BPNT2: variants seen among roughly 807,000 people sequenced by gnomAD.
BPNT2 encodes 3'(2'), 5'-bisphosphate nucleotidase 2.
In BPNT2, 11 loss-of-function variants were observed where a neutral mutation model predicts 29.3. The observed-to-expected ratio is 0.38, with a 90% CI of 0.24 to 0.62. The LOEUF is 0.62. Ranked by LOEUF, BPNT2 falls within the 20% of genes least tolerant of loss-of-function variation. The pLI, the probability that BPNT2 is intolerant of heterozygous loss-of-function variation, is 0.62. For synonymous variants in BPNT2, 195 were observed against 187.7 expected (o/e 1.04, Z -0.32); for missense variants, 459 against 473.4 (o/e 0.97, Z 0.28).
chr8:56,968,305 A>C (rs868407187), intron 3 of BPNT2, among the ~76,000 whole-genome samples: 73 of 152,134 alleles, frequency 4.8e-4, no homozygotes, highest in African/African-American at 1.6e-3. Flanking sequence ...AGACTTCTCC[A>C]AAAGTATAGC....
Position 56,959,911 on chromosome 8 carries a change from G to C in BPNT2, c.*3882C>G, listed in dbSNP as rs1805802055. 6.6e-6 allele frequency: 1 copy of C among 152,020 alleles called. No homozygotes were observed. Among genetic ancestry groups the C allele is most frequent in the South Asian group, 2.1e-4 (1 of 4,824 alleles). The allele number at this position is 152,020 out of a possible 1,614,324, so 9.4% of individuals were successfully genotyped here. On this transcript the variant is annotated 3_prime_UTR_variant, in exon 5 of 5. Coordinates refer to ENST00000262644, the MANE Select transcript of BPNT2 (RefSeq NM_017813.5). ...TTAACATACAATGCCCTATTGTTAA[G>C]GCACAACTTTTTTTAGATTAAAAAT...
intron 1 of BPNT2, among the ~76,000 whole-genome samples, chr8:56,986,088 C>G (rs760475826): frequency 7.9e-5 from 12 of 152,198 alleles, no homozygotes; most frequent in Non-Finnish European, 1.6e-4. Context: ...GTCGTTACTA[C>G]AGCATTTCCT....
intron 3 of BPNT2, 81 bp downstream of exon 3, chr8:56,977,969 A>G (rs1806172274): frequency 1.1e-6 from 1 of 926,674 alleles, no homozygotes; most frequent in South Asian, 1.3e-5. Context: ...GAGTGGATAC[A>G]AATTTAGGTA....
intron 1 of BPNT2, among the ~76,000 whole-genome samples, chr8:56,992,382 T>A (rs1806431629): frequency 6.6e-6 from 1 of 152,168 alleles, no homozygotes. Flanking sequence ...GAACTGCAAA[T>A]TTTAAATATG....
chr8:56,977,549 C>T (rs577423778), intron 3 of BPNT2, among the ~76,000 whole-genome samples: 23 of 152,060 alleles, frequency 1.5e-4, no homozygotes, highest in Non-Finnish European at 4.4e-5. Context: ...ACTGTGTCCC[C>T]CAAAAAGATA....
chr8:56,979,835 T>A (rs1028992715), intron 2 of BPNT2, among the ~76,000 whole-genome samples, 200 bp downstream of exon 2: 1 of 152,168 alleles, frequency 6.6e-6, no homozygotes, highest in African/African-American at 2.4e-5. Flanking sequence ...ATTCCTAACA[T>A]CCCGAGTAAA....
intron 1 of BPNT2, among the ~76,000 whole-genome samples, chr8:56,992,805 G>A (rs1056923416): frequency 6.6e-6 from 1 of 150,610 alleles, no homozygotes; most frequent in Non-Finnish European, 1.5e-5. Flanking sequence ...CCCAGAAAAT[G>A]TGTACTCCAG....
intron 3 of BPNT2, among the ~76,000 whole-genome samples, chr8:56,976,936 A>G (rs1305497513): frequency 6.6e-6 from 1 of 152,160 alleles, no homozygotes; most frequent in Non-Finnish European, 1.5e-5. Flanking sequence ...GAAAGCACTG[A>G]CATGATGTCA....
At chr8:56,966,495 GCTT>G in intron 3 of BPNT2, 143 bp from the exon 4 acceptor site, 1 of 736,980 alleles carries the variant, frequency 1.4e-6, no homozygotes, top group South Asian at 1.6e-5. Flanking sequence ...AAAACAGAAA[GCTT>G]TTTTTTTCAG....
intron 1 of BPNT2, among the ~76,000 whole-genome samples, chr8:56,985,467 C>A (rs567029401): frequency 6.6e-6 from 1 of 152,162 alleles, no homozygotes; most frequent in Non-Finnish European, 1.5e-5. Flanking sequence ...TCCCTGCCCC[C>A]TCCCGACACC....
At position 56,993,795 on chromosome 8, in the gene BPNT2, G is replaced by T. The variant is rs937066503; in HGVS notation, c.-210C>A. ...CAACGCCGCCCCGCGCGCCTGACTCGCCAGGCAGCGCGCTCTAGGTTCTTC... is the reference window on the plus strand; with the variant it reads ...CAACGCCGCCCCGCGCGCCTGACTCTCCAGGCAGCGCGCTCTAGGTTCTTC... On this transcript the variant is annotated 5_prime_UTR_variant, in exon 1 of 5. Coordinates refer to ENST00000262644, the MANE Select transcript of BPNT2 (RefSeq NM_017813.5). The T allele has an allele frequency of 1.8e-6, 1 of 540,776 alleles. No homozygotes were observed. The highest frequency in any genetic ancestry group is 2.4e-6 in the Non-Finnish European group (1 of 421,332). 33.5% of individuals were successfully genotyped at this position (540,776 alleles called of 1,614,324 possible). A position where few individuals can be genotyped will look rare whatever the true frequency, so the allele number is the denominator to read the frequency against.
At chr8:56,985,169 T>C (rs1233880710) in intron 1 of BPNT2, among the ~76,000 whole-genome samples, 2 of 152,212 alleles carry the variant, frequency 1.3e-5, no homozygotes, top group African/African-American at 2.4e-5. Context: ...ATTTACTATC[T>C]TGATCAGCTA....
At chr8:56,965,484 C>CA (rs1390397569) in intron 4 of BPNT2, among the ~76,000 whole-genome samples, 1 of 152,108 alleles carries the variant, frequency 6.6e-6, no homozygotes, top group East Asian at 1.9e-4. Flanking sequence ...CAGGAGTTGA[C>CA]AAACAGCCCC....
At chr8:56,978,182 C>A (rs1806177704) in intron 2 of BPNT2, 37 bp from the exon 3 acceptor site, 1 of 1,237,958 alleles carries the variant, frequency 8.1e-7, no homozygotes, top group South Asian at 1.2e-5. Flanking sequence ...ACACAAATGT[C>A]AAAGTAATGT....
At chr8:56,991,713 G>A (rs551368643) in intron 1 of BPNT2, among the ~76,000 whole-genome samples, 1 of 152,116 alleles carries the variant, frequency 6.6e-6, no homozygotes, top group Non-Finnish European at 1.5e-5. Flanking sequence ...CAGTATTTGG[G>A]CATGTAAAAT....
At chr8:56,974,827 T>C (rs1415671587) in intron 3 of BPNT2, among the ~76,000 whole-genome samples, 1 of 152,156 alleles carries the variant, frequency 6.6e-6, no homozygotes, top group Non-Finnish European at 1.5e-5. Flanking sequence ...GAGAGAGGAA[T>C]ATATATTCTT....
chr8:56,982,013 T>C (rs76795084), intron 1 of BPNT2, among the ~76,000 whole-genome samples: 38 of 152,046 alleles, frequency 2.5e-4, no homozygotes, highest in African/African-American at 9.2e-4. Context: ...TTTTAAAAAA[T>C]ATAACTATCA....
At chr8:56,988,571 T>A (rs375351623) in intron 1 of BPNT2, among the ~76,000 whole-genome samples, 19 of 152,346 alleles carry the variant, frequency 1.2e-4, no homozygotes, top group African/African-American at 4.3e-4. Context: ...TCAGTCTTCA[T>A]TATCCTTGGT....
intron 4 of BPNT2, among the ~76,000 whole-genome samples, chr8:56,965,792 CTAA>C (rs1805936277): frequency 6.6e-6 from 1 of 152,174 alleles, no homozygotes; most frequent in South Asian, 2.1e-4. Context: ...ATTAGCCTTT[CTAA>C]TAATACTTAT....
Sources: allele counts gnomAD v4.1 joint callset (sites outside exome capture counted in the v4.1 genomes callset), GRCh38; gene constraint gnomAD v4.1.1; transcripts MANE v1.5; gene names NCBI Gene and HGNC (gene_info 2026-07-23, HGNC 2026-07-21).